The following ZBTB20 variants were observed in gnomAD, a reference collection of about 807,000 sequenced individuals.
The protein encoded by ZBTB20 is zinc finger and BTB domain containing 20.
In ZBTB20, 9 loss-of-function variants were observed where a neutral mutation model predicts 56.9. That is an observed-to-expected ratio of 0.16 (90% CI 0.10 to 0.28). ZBTB20 has a LOEUF of 0.28. ZBTB20 is among the 10% of genes least tolerant of loss of function. The pLI is 1.00. For synonymous variants in ZBTB20, 417 were observed against 420.7 expected, an observed-to-expected ratio of 0.99 and a Z score of 0.11; for missense variants, 655 against 1,003.0, an observed-to-expected ratio of 0.65 and a Z score of 4.69.
chr3:114,509,826 T>C (rs2045125508), intron 6 of ZBTB20, among the ~76,000 whole-genome samples: 1 of 152,168 alleles, frequency 6.6e-6, no homozygotes, highest in Admixed American at 6.6e-5. Flanking sequence ...TCACAATATC[T>C]TTCTGCCCTA....
intron 5 of ZBTB20, among the ~76,000 whole-genome samples, chr3:114,781,761 G>A (rs1250885410): frequency 6.6e-6 from 1 of 152,054 alleles, no homozygotes; most frequent in Non-Finnish European, 1.5e-5. Flanking sequence ...TCATGGGGGC[G>A]GTTTCCCCCA....
chr3:114,539,809 C>G (rs1431502118), intron 6 of ZBTB20, among the ~76,000 whole-genome samples: 1 of 151,962 alleles, frequency 6.6e-6, no homozygotes, highest in African/African-American at 2.4e-5. Context: ...CTTTGTATCT[C>G]TAGACCCAAG....
At chr3:114,616,182 A>G (rs1321074713) in intron 6 of ZBTB20, among the ~76,000 whole-genome samples, 2 of 152,178 alleles carry the variant, frequency 1.3e-5, no homozygotes, top group African/African-American at 4.8e-5. Context: ...CAATTCTACC[A>G]TAATTTACAC....
intron 6 of ZBTB20, among the ~76,000 whole-genome samples, chr3:114,530,669 T>C (rs1481403972): frequency 6.6e-6 from 1 of 152,202 alleles, no homozygotes; most frequent in Non-Finnish European, 1.5e-5. Flanking sequence ...TTTAACATCA[T>C]TACCACCTAT....
intron 3 of ZBTB20, among the ~76,000 whole-genome samples, chr3:114,949,886 A>G (rs1372963628): frequency 6.6e-6 from 1 of 152,224 alleles, no homozygotes; most frequent in Non-Finnish European, 1.5e-5. Flanking sequence ...ATGAAATCCC[A>G]GTAACTTAAT....
intron 10 of ZBTB20, among the ~76,000 whole-genome samples, chr3:114,364,833 A>G (rs545398864): frequency 2.7e-4 from 41 of 152,340 alleles, no homozygotes; most frequent in African/African-American, 8.9e-4. Flanking sequence ...CCAAAGATAC[A>G]TATCGGCAGA....
intron 6 of ZBTB20, among the ~76,000 whole-genome samples, chr3:114,622,413 T>G (rs553665259): frequency 6.6e-6 from 1 of 152,176 alleles, no homozygotes; most frequent in Non-Finnish European, 1.5e-5. Flanking sequence ...AACTTTACTA[T>G]TAATATAACA....
chr3:114,824,002 G>C (rs1490732596), intron 4 of ZBTB20, among the ~76,000 whole-genome samples: 2 of 151,980 alleles, frequency 1.3e-5, no homozygotes, highest in Non-Finnish European at 2.9e-5. Context: ...AAGCCCACTT[G>C]ATTCATTGTT....
rs1371385231 is a variant in ZBTB20 at position 114,328,575 on chromosome 3, G to T, written c.*10430C>A. 6.6e-6 allele frequency: 1 copy of T among 151,912 alleles called. No homozygotes were observed. The highest frequency in any genetic ancestry group is 1.5e-5 in the Non-Finnish European group (1 of 67,994). The allele number at this position is 151,912 out of a possible 1,614,324, so 9.4% of individuals were successfully genotyped here. ...AAGGTAAGGGGAATTAATGACCTCAGCTAGTACAGTTGACATTTAAAACTG... is the reference window on the plus strand; with the variant it reads ...AAGGTAAGGGGAATTAATGACCTCATCTAGTACAGTTGACATTTAAAACTG... On this transcript the variant is annotated 3_prime_UTR_variant, in exon 12 of 12. Transcript: ENST00000675478.
rs558833410 is a variant in ZBTB20, at chr3:114,904,870, T to C, written c.-455-4528A>G. 2.6e-5 allele frequency among the ~76,000 whole-genome samples: 4 copies of C among 152,086 alleles called. No individual in the cohort carries two copies. In the South Asian group the frequency reaches 8.3e-4, roughly 32 times the overall value. ...AAAGGAAATCATATGGTAAACACCG[T>C]TAACCCAACGGCACAGTTGATCTGT... On this transcript the variant is annotated intron_variant, in intron 3 of 11. Transcript: ENST00000675478.
intron 8 of ZBTB20, among the ~76,000 whole-genome samples, chr3:114,384,246 C>G (rs538428367): frequency 6.6e-6 from 1 of 151,616 alleles, no homozygotes; most frequent in African/African-American, 2.4e-5. Flanking sequence ...AATGAAAGCT[C>G]CAATGAAAAA....
At chr3:114,785,270 AT>A (rs2070399966) in intron 5 of ZBTB20, among the ~76,000 whole-genome samples, 1 of 152,206 alleles carries the variant, frequency 6.6e-6, no homozygotes, top group Admixed American at 6.5e-5. Context: ...ATGTCATGCT[AT>A]TTAGGTAATT....
At chr3:114,728,911 C>T (rs1370482755) in intron 5 of ZBTB20, among the ~76,000 whole-genome samples, 1 of 151,978 alleles carries the variant, frequency 6.6e-6, no homozygotes, top group Non-Finnish European at 1.5e-5. Flanking sequence ...TTCATGTCCT[C>T]AGGGGAGGGC....
At chr3:114,771,337 A>G (rs2108742787) in intron 5 of ZBTB20, among the ~76,000 whole-genome samples, 2 of 152,294 alleles carry the variant, frequency 1.3e-5, no homozygotes, top group Middle Eastern at 6.8e-3. Context: ...ATTTGTGATT[A>G]CTTAATTAGA....
rs1441232483 is a variant in ZBTB20, at chr3:114,351,313, G to A, written c.765C>T (p.Gly255=). 2 of 1,606,620 alleles carry A rather than the reference G, an allele frequency of 1.2e-6. No homozygotes were observed. Among genetic ancestry groups the A allele is most frequent in the Non-Finnish European group, 1.7e-6 (2 of 1,178,912 alleles). The change falls in exon 11 of 12, where the codon GGC becomes GGT. Residue 255 remains glycine, a synonymous_variant. Coordinates refer to ENST00000675478, the MANE Select transcript of ZBTB20 (RefSeq NM_001348800.3). ...CGCTGTAAAAAGAGCGCTCGCCGCT[G>A]CCATTCTGCATGGAGCACGCGTAGA... ...SALYACSMQN[G]SGERSFYSGA... is the part of the protein sequence containing the mutation.
chr3:115,023,895 G>T (rs1396463005), intron 2 of ZBTB20, among the ~76,000 whole-genome samples: 3 of 151,094 alleles, frequency 2.0e-5, no homozygotes, highest in Non-Finnish European at 4.5e-5. Flanking sequence ...AGATTTCAAT[G>T]ATTCCAACTT....
chr3:114,857,830 T>C (rs1050846091), intron 4 of ZBTB20, among the ~76,000 whole-genome samples: 4 of 152,170 alleles, frequency 2.6e-5, no homozygotes, highest in Non-Finnish European at 5.9e-5. Context: ...CCAAGAACAA[T>C]TCAGTAACAA....
intron 2 of ZBTB20, among the ~76,000 whole-genome samples, chr3:115,023,589 C>G (rs1287811137): frequency 6.6e-6 from 1 of 150,902 alleles, no homozygotes; most frequent in East Asian, 1.9e-4. Flanking sequence ...TTGACAAATC[C>G]AAACTTGAAT....
At chr3:114,363,056 G>A (rs767382997) in intron 10 of ZBTB20, among the ~76,000 whole-genome samples, 16 of 152,168 alleles carry the variant, frequency 1.1e-4, no homozygotes, top group Non-Finnish European at 1.9e-4. Flanking sequence ...AAAGACACTA[G>A]TTTTCTCTTT....
Sources: gnomAD v4.1 joint callset for allele counts (sites outside exome capture counted in the v4.1 genomes callset) on GRCh38, gnomAD v4.1.1 for gene constraint, MANE v1.5 for transcripts, NCBI Gene and HGNC (gene_info 2026-07-23, HGNC 2026-07-21) for gene names.